The following PIP5K1A variants were observed in gnomAD, a reference collection of about 807,000 sequenced individuals.
The protein encoded by PIP5K1A is phosphatidylinositol-4-phosphate 5-kinase type 1 alpha, also known as phosphatidylinositol 4-phosphate 5-kinase type-1 alpha.
Under a neutral mutation model 72.9 loss-of-function variants are expected in PIP5K1A, and 46 were observed. The ratio of observed to expected loss-of-function variants is 0.63; its 90% CI spans 0.50 to 0.81. The LOEUF is 0.81. PIP5K1A is among the 30% of genes least tolerant of loss of function. PIP5K1A has a pLI of 0.00. For missense variants in PIP5K1A, 458 were observed against 706.1 expected, an observed-to-expected ratio of 0.65 and a Z score of 3.98; for synonymous variants, 228 against 255.1, an observed-to-expected ratio of 0.89 and a Z score of 1.01.
intron 4 of PIP5K1A, among the ~76,000 whole-genome samples, chr1:151,228,423 T>TA (rs1161913693): frequency 6.6e-6 from 1 of 152,152 alleles, no homozygotes; most frequent in Non-Finnish European, 1.5e-5. Context: ...GTGCTGGAGT[T>TA]ACAGGGGTGA....
intron 1 of PIP5K1A, among the ~76,000 whole-genome samples, chr1:151,208,443 C>T (rs1429908128): frequency 1.3e-5 from 2 of 148,504 alleles, no homozygotes; most frequent in East Asian, 4.0e-4. Context: ...TCACTGCAAG[C>T]TCCACTTCCC....
rs117700579 is a variant in PIP5K1A at position 151,203,058 on chromosome 1, C to T, written c.85+3977C>T. Among the ~76,000 whole-genome samples the T allele has an allele frequency of 8.0e-4, 122 of 152,146 alleles. 1 individual carries two copies. The East Asian group carries it at 0.022, about 28-fold the overall frequency. ...TGCTGAGGTACATACAGGCTTTAGC[C>T]GCCGCCGCTGGCCTTACTTTATGCC... On this transcript the variant is annotated intron_variant, in intron 1 of 15. Coordinates refer to ENST00000368888, the MANE Select transcript of PIP5K1A (RefSeq NM_001135638.2).
chr1:151,212,169 T>G (rs185721674), intron 1 of PIP5K1A, among the ~76,000 whole-genome samples: 1 of 151,852 alleles, frequency 6.6e-6, no homozygotes, highest in African/African-American at 2.4e-5. Flanking sequence ...TAAACATCTT[T>G]GTGGCTGGTG....
chr1:151,236,891 G>T (rs771822895), intron 9 of PIP5K1A, 128 bp downstream of exon 9: 4 of 651,316 alleles, frequency 6.1e-6, no homozygotes, highest in Non-Finnish European at 7.6e-6. Context: ...GCAATGGCAC[G>T]ATCTCAGCCT....
upstream of PIP5K1A, among the ~76,000 whole-genome samples, chr1:151,196,278 A>C (rs587643679): frequency 1.3e-5 from 2 of 152,220 alleles, no homozygotes; most frequent in South Asian, 4.1e-4. Context: ...TTATTCAACA[A>C]ATATTTATTT....
At chr1:151,217,160 A>G (rs1332669121) in intron 1 of PIP5K1A, among the ~76,000 whole-genome samples, 2 of 151,972 alleles carry the variant, frequency 1.3e-5, no homozygotes, top group Non-Finnish European at 2.9e-5. Context: ...TGACCCACCC[A>G]CTAGGCCTCC....
chr1:151,224,110 G>T, intron 1 of PIP5K1A, 135 bp from the exon 2 acceptor site: 1 of 788,726 alleles, frequency 1.3e-6, no homozygotes, highest in Non-Finnish European at 2.2e-6. Context: ...TATCCAAAAG[G>T]ATCTGGTATT....
At chr1:151,239,471 CA>C (rs1691365225) in intron 11 of PIP5K1A, among the ~76,000 whole-genome samples, 1 of 151,956 alleles carries the variant, frequency 6.6e-6, no homozygotes, top group Non-Finnish European at 1.5e-5. Context: ...TGGGTTTCAC[CA>C]TGTTGGCCAG....
chr1:151,239,009 G>A, intron 10 of PIP5K1A, 121 bp from the exon 11 acceptor site: 1 of 684,078 alleles, frequency 1.5e-6, no homozygotes, highest in Middle Eastern at 2.4e-4. Context: ...CAGTAGATGT[G>A]CTTTCTCAGC....
chr1:151,222,680 C>T (rs1316381489), intron 1 of PIP5K1A, among the ~76,000 whole-genome samples: 1 of 152,044 alleles, frequency 6.6e-6, no homozygotes, highest in African/African-American at 2.4e-5. Context: ...AGAGGATAGG[C>T]CAGGCACTGA....
intron 6 of PIP5K1A, 36 bp from the exon 7 acceptor site, chr1:151,232,515 T>C (rs774064450): frequency 1.3e-6 from 2 of 1,581,610 alleles, no homozygotes; most frequent in Non-Finnish European, 1.7e-6. Context: ...GGCCCTGATG[T>C]GTCTAAATCT....
chr1:151,213,257 A>G (rs1334507662), intron 1 of PIP5K1A, among the ~76,000 whole-genome samples: 4 of 152,090 alleles, frequency 2.6e-5, no homozygotes, highest in Non-Finnish European at 4.4e-5. Context: ...GGGCTACCTT[A>G]TAGGCAGTGT....
In PIP5K1A at chr1:151,216,626, TTTCTC is replaced by T. The variant is rs200482407; in HGVS notation, c.86-7616_86-7612del. ...GTAAACCAGTCTCAACTCTTTTCCTTTTCTCTTTCTGTTGTACCTCTCATTTCCCC... is the reference window on the plus strand; with the variant it reads ...GTAAACCAGTCTCAACTCTTTTCCTTTTTCTGTTGTACCTCTCATTTCCCC... On this transcript the variant is annotated intron_variant, in intron 1 of 15. Transcript: ENST00000368888. Among the ~76,000 whole-genome samples the T allele has an allele frequency of 4.5e-3, 685 of 152,268 alleles. 6 individuals carry two copies. The highest frequency in any genetic ancestry group is 0.016 in the African/African-American group (650 of 41,562).
intron 1 of PIP5K1A, among the ~76,000 whole-genome samples, chr1:151,210,323 G>A (rs1686619523): frequency 2.0e-5 from 3 of 151,528 alleles, no homozygotes; most frequent in African/African-American, 7.3e-5. Context: ...AGCCTACTCA[G>A]GATTACAGGC....
chr1:151,245,565 T>C (rs1358107419), intron 14 of PIP5K1A, among the ~76,000 whole-genome samples: 1 of 152,158 alleles, frequency 6.6e-6, no homozygotes, highest in Non-Finnish European at 1.5e-5. Flanking sequence ...CAACAGGGTC[T>C]CCCTCTGTCA....
chr1:151,240,196 A>T, intron 12 of PIP5K1A, 157 bp downstream of exon 12: 1 of 611,182 alleles, frequency 1.6e-6, no homozygotes, highest in East Asian at 3.1e-5. Context: ...CCTTTGTGTT[A>T]GTCTGTCATA....
intron 1 of PIP5K1A, among the ~76,000 whole-genome samples, chr1:151,217,411 G>A (rs191095154): frequency 1.2e-4 from 18 of 152,170 alleles, no homozygotes; most frequent in African/African-American, 3.9e-4. Flanking sequence ...CGGGTTAAAT[G>A]TTTGTTACTG....
intron 1 of PIP5K1A, among the ~76,000 whole-genome samples, chr1:151,204,113 A>G (rs1489496055): frequency 6.6e-6 from 1 of 152,168 alleles, no homozygotes; most frequent in Non-Finnish European, 1.5e-5. Context: ...TGTTCTTCCC[A>G]GCAGAGCCCT....
chr1:151,206,235 G>A (rs1197366670), intron 1 of PIP5K1A, among the ~76,000 whole-genome samples: 1 of 151,996 alleles, frequency 6.6e-6, no homozygotes, highest in African/African-American at 2.4e-5. Context: ...TATTTGTAAT[G>A]GTTGTATTCA....
Sources: allele counts gnomAD v4.1 joint callset (sites outside exome capture counted in the v4.1 genomes callset), GRCh38; gene constraint gnomAD v4.1.1; transcripts MANE v1.5; gene names NCBI Gene and HGNC (gene_info 2026-07-23, HGNC 2026-07-21).